Variants in NTRK3 observed in about 807,000 individuals in gnomAD.
The protein encoded by NTRK3 is NT-3 growth factor receptor.
In NTRK3, 24 loss-of-function variants were observed where a neutral mutation model predicts 91.7. The ratio of observed to expected loss-of-function variants is 0.26; its 90% CI spans 0.19 to 0.37. NTRK3 has a LOEUF of 0.37. Among genes scored for constraint, NTRK3 ranks in the 10% least tolerant of loss-of-function variants. NTRK3 has a pLI of 1.00. For missense variants in NTRK3, 880 were observed against 1,068.9 expected, an observed-to-expected ratio of 0.82 and a Z score of 2.46; for synonymous variants, 483 against 404.0, an observed-to-expected ratio of 1.20 and a Z score of -2.34.
intron 3 of NTRK3, among the ~76,000 whole-genome samples, chr15:88,196,700 C>T (rs1366057938): frequency 2.0e-5 from 3 of 152,194 alleles, no homozygotes; most frequent in Non-Finnish European, 4.4e-5. Flanking sequence ...TTCATCATTG[C>T]CACCCAATTC....
chr15:88,050,425 C>G (rs1018133437), intron 13 of NTRK3, among the ~76,000 whole-genome samples: 11 of 151,996 alleles, frequency 7.2e-5, no homozygotes, highest in Non-Finnish European at 1.6e-4. Context: ...TTTTCTACTT[C>G]AGATATTAGA....
chr15:88,182,846 G>A (rs2046607152), intron 5 of NTRK3, among the ~76,000 whole-genome samples: 1 of 152,112 alleles, frequency 6.6e-6, no homozygotes, highest in South Asian at 2.1e-4. Flanking sequence ...GGATGAAGGA[G>A]GCACAGACAG....
chr15:88,245,627 A>G (rs1427239394), intron 3 of NTRK3, among the ~76,000 whole-genome samples: 1 of 152,204 alleles, frequency 6.6e-6, no homozygotes, highest in African/African-American at 2.4e-5. Flanking sequence ...GATGAGGGCT[A>G]TAAAAAGTAT....
intron 13 of NTRK3, among the ~76,000 whole-genome samples, chr15:88,119,301 T>C (rs1222614288): frequency 1.3e-5 from 2 of 152,232 alleles, no homozygotes; most frequent in Non-Finnish European, 2.9e-5. Context: ...GGCCTTTGTC[T>C]GCAGTCAGAG....
At chr15:88,126,594 G>A (rs944023101) in intron 12 of NTRK3, among the ~76,000 whole-genome samples, 9 of 152,140 alleles carry the variant, frequency 5.9e-5, no homozygotes, top group African/African-American at 2.2e-4. Context: ...AAAGTTCCAC[G>A]ATTCAATGTT....
intron 13 of NTRK3, among the ~76,000 whole-genome samples, chr15:88,101,888 G>A (rs1163310476): frequency 6.6e-6 from 1 of 152,108 alleles, no homozygotes; most frequent in Non-Finnish European, 1.5e-5. Flanking sequence ...AGTGGGGAAG[G>A]ATAGCATTAG....
At chr15:87,937,122 A>T (rs978160687) in intron 15 of NTRK3, among the ~76,000 whole-genome samples, 1 of 151,986 alleles carries the variant, frequency 6.6e-6, no homozygotes, top group Non-Finnish European at 1.5e-5. Context: ...ATTAGCTGGC[A>T]CTCCTTATGA....
chr15:88,250,718 TTCTCAAGTGCCAAC>T (rs2053262126), intron 3 of NTRK3, among the ~76,000 whole-genome samples: 1 of 152,200 alleles, frequency 6.6e-6, no homozygotes, highest in Non-Finnish European at 1.5e-5. Context: ...CCCTGTCTCC[TTCTCAAGTGCCAAC>T]CCTCCCAATC....
At chr15:88,204,102 A>T (rs547205772) in intron 3 of NTRK3, among the ~76,000 whole-genome samples, 1 of 151,844 alleles carries the variant, frequency 6.6e-6, no homozygotes, top group Non-Finnish European at 1.5e-5. Context: ...TCATTGTTCA[A>T]CTCCCACTTA....
At chr15:88,035,714 T>C (rs996013962) in intron 13 of NTRK3, among the ~76,000 whole-genome samples, 20 of 151,986 alleles carry the variant, frequency 1.3e-4, no homozygotes, top group Middle Eastern at 3.4e-3. Context: ...ACAAGACAAG[T>C]AGACAATCAG....
intron 10 of NTRK3, 103 bp downstream of exon 10, chr15:88,134,998 A>T: frequency 7.4e-7 from 1 of 1,350,990 alleles, no homozygotes; most frequent in Non-Finnish European, 1.1e-6. Context: ...CCATGATAAC[A>T]GTATGAGTAC....
chr15:87,888,197 T>G (rs1179423268), intron 17 of NTRK3, among the ~76,000 whole-genome samples: 15 of 152,104 alleles, frequency 9.9e-5, no homozygotes, highest in Non-Finnish European at 1.5e-5. Flanking sequence ...AGGCTGAAAG[T>G]GCTCACGGGG....
chr15:88,056,179 T>C (rs1217149467), intron 13 of NTRK3, among the ~76,000 whole-genome samples: 3 of 93,716 alleles, frequency 3.2e-5, no homozygotes, highest in Non-Finnish European at 7.0e-5. Context: ...TGTTTTCATA[T>C]ATATATATAT....
At chr15:88,127,877 C>T (rs1030756012) in intron 11 of NTRK3, among the ~76,000 whole-genome samples, 1 of 152,190 alleles carries the variant, frequency 6.6e-6, no homozygotes, top group African/African-American at 2.4e-5. Context: ...TCAATTTTCC[C>T]CTCACTCCAC....
chr15:87,954,539 C>G (rs1388670362), intron 14 of NTRK3, among the ~76,000 whole-genome samples: 3 of 152,068 alleles, frequency 2.0e-5, no homozygotes, highest in Non-Finnish European at 4.4e-5. Context: ...TTAGGAAATC[C>G]AAGTTATAAA....
chr15:87,947,199 A>C (rs921288069), intron 14 of NTRK3, among the ~76,000 whole-genome samples: 2 of 151,878 alleles, frequency 1.3e-5, no homozygotes, highest in Non-Finnish European at 2.9e-5. Flanking sequence ...CTTAAACACA[A>C]TATGTTGCTG....
chr15:88,153,255 T>C lies in NTRK3; in HGVS notation c.396-5852A>G, dbSNP rs1018097854. Among the ~76,000 whole-genome samples, 97 of 152,140 alleles carry C rather than the reference T, an allele frequency of 6.4e-4. 1 individual carries two copies. The highest frequency in any genetic ancestry group is 3.5e-4 in the Non-Finnish European group (24 of 68,004). ...CTTCTTTATTTTTTGTTTTTTATTT[T>C]TTTTGAGATGGAGTTTCACTCTTGT... On this transcript the variant is annotated intron_variant, in intron 5 of 18. Coordinates refer to ENST00000394480, the Ensembl canonical transcript of NTRK3.
intron 13 of NTRK3, among the ~76,000 whole-genome samples, chr15:88,110,206 C>T (rs2051178220): frequency 6.6e-6 from 1 of 152,102 alleles, no homozygotes; most frequent in Non-Finnish European, 1.5e-5. Flanking sequence ...TGGCCAGATA[C>T]TGCACAAAGT....
chr15:87,942,321 C>T (rs1399228002), intron 14 of NTRK3, among the ~76,000 whole-genome samples: 2 of 152,260 alleles, frequency 1.3e-5, no homozygotes, highest in African/African-American at 4.8e-5. Context: ...GGCTATGCCC[C>T]AGTCTTTACA....
Sources: allele counts gnomAD v4.1 joint callset (sites outside exome capture counted in the v4.1 genomes callset), GRCh38; gene constraint gnomAD v4.1.1; transcripts MANE v1.5; gene names NCBI Gene and HGNC (gene_info 2026-07-23, HGNC 2026-07-21).